The following BICC1 variants were observed in gnomAD, a reference collection of about 807,000 sequenced individuals.
The protein encoded by BICC1 is protein bicaudal C homolog 1.
A neutral mutation model predicts 111.0 loss-of-function variants in BICC1; 43 were observed. The observed-to-expected ratio is 0.39, with a 90% CI of 0.30 to 0.50. The LOEUF (loss-of-function observed/expected upper bound fraction) is 0.50. Ranked by LOEUF, BICC1 falls within the 20% of genes least tolerant of loss-of-function variation. The pLI, the probability that BICC1 is intolerant of heterozygous loss-of-function variation, is 0.88. For missense variants in BICC1, 1,091 were observed against 1,203.2 expected, an observed-to-expected ratio of 0.91 and a Z score of 1.38; for synonymous variants, 467 against 434.4, an observed-to-expected ratio of 1.07 and a Z score of -0.93.
chr10:58,654,647 A>T (rs1253767786), intron 2 of BICC1, among the ~76,000 whole-genome samples: 1 of 81,070 alleles, frequency 1.2e-5, no homozygotes, highest in Non-Finnish European at 2.6e-5. Flanking sequence ...GTTCACTCTG[A>T]TAGTAGTTTC....
At chr10:58,512,721 T>G (rs1396227092), upstream of BICC1, among the ~76,000 whole-genome samples, 1 of 151,764 alleles carries the variant, frequency 6.6e-6, no homozygotes, top group Non-Finnish European at 1.5e-5. Flanking sequence ...GGTGTGTGTG[T>G]GCGCGCGCGA....
chr10:58,665,431 T>C (rs1179411332), intron 2 of BICC1, among the ~76,000 whole-genome samples: 4 of 152,206 alleles, frequency 2.6e-5, no homozygotes, highest in Non-Finnish European at 5.9e-5. Flanking sequence ...GGTGGTTTGA[T>C]TGTACTTGTT....
At chr10:58,589,735 A>G (rs1844544014) in intron 1 of BICC1, among the ~76,000 whole-genome samples, 1 of 152,138 alleles carries the variant, frequency 6.6e-6, no homozygotes, top group African/African-American at 2.4e-5. Context: ...CTCGGCTCCC[A>G]AAACAATAGG....
chr10:58,636,805 G>A (rs1837966148), intron 2 of BICC1, among the ~76,000 whole-genome samples: 3 of 152,106 alleles, frequency 2.0e-5, no homozygotes, highest in Admixed American at 2.0e-4. Context: ...CTTAGAAAAT[G>A]GGGATAATTC....
chr10:58,636,086 C>T (rs746853797), intron 2 of BICC1, among the ~76,000 whole-genome samples: 7 of 152,100 alleles, frequency 4.6e-5, no homozygotes, highest in Admixed American at 1.3e-4. Context: ...TGTTTTGGGA[C>T]CTAACACATT....
intron 1 of BICC1, among the ~76,000 whole-genome samples, chr10:58,555,977 T>A (rs1049632977): frequency 4.6e-5 from 7 of 151,634 alleles, no homozygotes; most frequent in South Asian, 2.1e-4. Flanking sequence ...ATTCTTAAAA[T>A]TTTTTTTTAT....
intron 1 of BICC1, among the ~76,000 whole-genome samples, chr10:58,562,725 T>C (rs910586860): frequency 2.1e-5 from 3 of 145,890 alleles, no homozygotes; most frequent in South Asian, 2.3e-4. Flanking sequence ...TCACTGCTTC[T>C]GATTTTATGT....
At chr10:58,727,810 C>A (rs1307117291) in intron 3 of BICC1, among the ~76,000 whole-genome samples, 1 of 152,150 alleles carries the variant, frequency 6.6e-6, no homozygotes, top group Admixed American at 6.5e-5. Flanking sequence ...AGGTTTAGTT[C>A]CAGACTACCT....
intron 2 of BICC1, among the ~76,000 whole-genome samples, chr10:58,675,418 A>AT: frequency 1.3e-5 from 2 of 152,314 alleles, no homozygotes; most frequent in South Asian, 4.1e-4. Flanking sequence ...ATATATATAT[A>AT]ATAAAATAAT....
chr10:58,771,513 G>A (rs1026775202), intron 3 of BICC1, among the ~76,000 whole-genome samples: 2 of 152,062 alleles, frequency 1.3e-5, no homozygotes, highest in Admixed American at 6.6e-5. Context: ...AGTGTCACGG[G>A]AAACCAGCGG....
intron 1 of BICC1, among the ~76,000 whole-genome samples, chr10:58,581,672 G>A (rs559926466): frequency 2.1e-4 from 32 of 152,098 alleles, no homozygotes; most frequent in African/African-American, 7.7e-4. Flanking sequence ...CTGGAGCCTC[G>A]CCTGCTGGGG....
Position 58,688,792 on chromosome 10 carries a change from C to T in BICC1, c.238-13282C>T, listed in dbSNP as rs191351377. On this transcript the variant is annotated intron_variant, in intron 2 of 20. Transcript: ENST00000373886. ...AACTACACAGGAACATAAAACCAACCACCACACATTCTCACTCATAAGTGG... is the reference window on the plus strand; with the variant it reads ...AACTACACAGGAACATAAAACCAACTACCACACATTCTCACTCATAAGTGG... Among the ~76,000 whole-genome samples, 27 of 152,198 alleles carry T rather than the reference C, an allele frequency of 1.8e-4. No homozygotes were observed. The East Asian group carries it at 5.0e-3, about 28-fold the overall frequency.
At chr10:58,621,903 TTAGAA>T (rs60609267) in intron 2 of BICC1, among the ~76,000 whole-genome samples, 6,592 of 44,716 alleles carry the variant, frequency 0.15, 1,110 homozygotes, top group African/African-American at 0.25. Flanking sequence ...GTCTCTAAAA[TTAGAA>T]TAGAATAGAA....
chr10:58,788,367 T>C lies in BICC1; in HGVS notation c.547-3T>C, dbSNP rs1564613739. On this transcript the variant is annotated splice_polypyrimidine_tract_variant and splice_region_variant and intron_variant, in intron 5 of 20. Transcript: ENST00000373886. ...CTAACTTTGTATTTTCCTCCTCTTA[T>C]AGGTATCTATAGCGGGACAACCAGC... is the stretch of plus-strand genomic sequence containing the variant. 2 of 1,603,702 alleles carry C rather than the reference T, an allele frequency of 1.2e-6. No homozygotes were observed. Among genetic ancestry groups the C allele is most frequent in the Non-Finnish European group, 1.7e-6 (2 of 1,171,152 alleles).
chr10:58,533,401 G>A (rs1018268277), intron 1 of BICC1, among the ~76,000 whole-genome samples: 2 of 151,814 alleles, frequency 1.3e-5, no homozygotes, highest in South Asian at 4.1e-4. Flanking sequence ...TTTTAGTGAT[G>A]TACTAAATGG....
chr10:58,542,638 A>G (rs1292805879), intron 1 of BICC1, among the ~76,000 whole-genome samples: 1 of 152,174 alleles, frequency 6.6e-6, no homozygotes, highest in African/African-American at 2.4e-5. Flanking sequence ...CATAACCAAT[A>G]TATGTAAAGA....
chr10:58,736,501 T>C (rs373116193), intron 3 of BICC1, among the ~76,000 whole-genome samples: 3 of 152,294 alleles, frequency 2.0e-5, no homozygotes, highest in African/African-American at 7.2e-5. Context: ...AAGTACCAAA[T>C]ATCTAAGGTG....
chr10:58,798,198 T>C (rs1843418271), intron 10 of BICC1, among the ~76,000 whole-genome samples: 1 of 152,168 alleles, frequency 6.6e-6, no homozygotes, highest in Non-Finnish European at 1.5e-5. Flanking sequence ...TAGCAACTCT[T>C]TGTGGATAAG....
At chr10:58,651,302 G>A (rs757356223) in intron 2 of BICC1, among the ~76,000 whole-genome samples, 42 of 152,256 alleles carry the variant, frequency 2.8e-4, no homozygotes, top group Admixed American at 1.3e-3. Context: ...AAAAGACCCA[G>A]CACACACCAC....
Sources: gnomAD v4.1 joint callset for allele counts (sites outside exome capture counted in the v4.1 genomes callset) on GRCh38, gnomAD v4.1.1 for gene constraint, MANE v1.5 for transcripts, NCBI Gene and HGNC (gene_info 2026-07-23, HGNC 2026-07-21) for gene names.